BICD1: variants seen among roughly 807,000 people sequenced by gnomAD.
The protein encoded by BICD1 is protein bicaudal D homolog 1.
Under a neutral mutation model 92.5 loss-of-function variants are expected in BICD1, and 35 were observed. The observed-to-expected ratio is 0.38, with a 90% CI of 0.29 to 0.50. The LOEUF (loss-of-function observed/expected upper bound fraction) is 0.50, where lower values mean the gene tolerates loss of function less well. BICD1 is among the 20% of genes least tolerant of loss of function. BICD1 has a pLI of 0.93. For synonymous variants in BICD1, 429 were observed against 465.1 expected (o/e 0.92, Z 1.00); for missense variants, 950 against 1,189.8 (o/e 0.80, Z 2.97).
chr12:32,288,607 T>C (rs1947643892), intron 2 of BICD1, among the ~76,000 whole-genome samples: 2 of 152,110 alleles, frequency 1.3e-5, no homozygotes, highest in Non-Finnish European at 2.9e-5. Context: ...GACTCACACT[T>C]GTAATCCCAG....
intron 2 of BICD1, among the ~76,000 whole-genome samples, chr12:32,245,472 G>A (rs1946356056): frequency 1.3e-5 from 2 of 152,256 alleles, no homozygotes; most frequent in East Asian, 3.9e-4. Context: ...TTTTCCTAAA[G>A]CAAACAGTGT....
chr12:32,116,481 T>C (rs1941904672), intron 1 of BICD1, among the ~76,000 whole-genome samples: 2 of 113,202 alleles, frequency 1.8e-5, no homozygotes, highest in African/African-American at 7.1e-5. Flanking sequence ...TCTCTCTCTC[T>C]CTCTCTCTCT....
At chr12:32,335,209 G>GGTGC (rs1938052834) in intron 6 of BICD1, among the ~76,000 whole-genome samples, 2 of 151,768 alleles carry the variant, frequency 1.3e-5, no homozygotes, top group African/African-American at 2.4e-5. Context: ...AGAGGGCAGT[G>GGTGC]GTGCGATCTC....
chr12:32,331,382 G>C (rs1937862961), intron 5 of BICD1, among the ~76,000 whole-genome samples: 1 of 152,168 alleles, frequency 6.6e-6, no homozygotes, highest in Non-Finnish European at 1.5e-5. Context: ...AATCAGAACA[G>C]AACAAAGCAT....
intron 2 of BICD1, among the ~76,000 whole-genome samples, chr12:32,245,001 AC>A (rs879913617): frequency 6.6e-6 from 1 of 152,154 alleles, no homozygotes; most frequent in African/African-American, 2.4e-5. Flanking sequence ...GACTCTGAAG[AC>A]AAAGACCTGG....
intron 1 of BICD1, among the ~76,000 whole-genome samples, chr12:32,146,014 C>T (rs1363282215): frequency 6.6e-6 from 1 of 152,094 alleles, no homozygotes; most frequent in African/African-American, 2.4e-5. Flanking sequence ...TCTTATAGAA[C>T]TTAGAGTTGA....
At chr12:32,188,041 C>A (rs1488655767) in intron 1 of BICD1, among the ~76,000 whole-genome samples, 1 of 151,996 alleles carries the variant, frequency 6.6e-6, no homozygotes, top group Non-Finnish European at 1.5e-5. Context: ...CGGGTTCATG[C>A]AATTCTCCCA....
intron 8 of BICD1, among the ~76,000 whole-genome samples, chr12:32,360,256 T>C (rs993902614): frequency 1.3e-5 from 2 of 152,006 alleles, no homozygotes; most frequent in South Asian, 4.1e-4. Flanking sequence ...CCTTTTTTTC[T>C]CACTTGTTGA....
At chr12:32,194,761 T>C (rs1944678376) in intron 1 of BICD1, among the ~76,000 whole-genome samples, 1 of 152,080 alleles carries the variant, frequency 6.6e-6, no homozygotes, top group Admixed American at 6.5e-5. Context: ...CGCATGCCTG[T>C]AATCCCAGCT....
intron 1 of BICD1, among the ~76,000 whole-genome samples, chr12:32,186,217 T>C (rs999656696): frequency 6.6e-6 from 1 of 152,222 alleles, no homozygotes; most frequent in African/African-American, 2.4e-5. Context: ...TATTTAATGA[T>C]GCACATTTAC....
intron 6 of BICD1, among the ~76,000 whole-genome samples, chr12:32,335,375 T>G (rs891733431): frequency 6.6e-6 from 1 of 151,606 alleles, no homozygotes; most frequent in South Asian, 2.1e-4. Context: ...TGGTCTCGAT[T>G]TCCTGACCTC....
At chr12:32,322,641 G>A (rs981751401) in intron 4 of BICD1, among the ~76,000 whole-genome samples, 1 of 152,170 alleles carries the variant, frequency 6.6e-6, no homozygotes, top group Non-Finnish European at 1.5e-5. Flanking sequence ...TGTTGTGTAG[G>A]GAGGAAACAC....
chr12:32,175,293 T>C (rs1199178287), intron 1 of BICD1, among the ~76,000 whole-genome samples: 1 of 152,210 alleles, frequency 6.6e-6, no homozygotes, highest in Non-Finnish European at 1.5e-5. Context: ...TCTTTTTACC[T>C]TGTGTTTCTA....
At chr12:32,138,412 T>C (rs1663712400) in intron 1 of BICD1, among the ~76,000 whole-genome samples, 1 of 152,250 alleles carries the variant, frequency 6.6e-6, no homozygotes, top group African/African-American at 2.4e-5. Context: ...AGAGTTGATA[T>C]CAGTATTAAA....
chr12:32,369,498 A>T (rs1322190550), intron 9 of BICD1, among the ~76,000 whole-genome samples: 1 of 152,272 alleles, frequency 6.6e-6, no homozygotes, highest in African/African-American at 2.4e-5. Context: ...GGGGTGCCAC[A>T]AGTGTGGAAA....
Position 32,118,545 on chromosome 12 carries a change from C to A in BICD1, c.213+11001C>A, listed in dbSNP as rs560712086. On this transcript the variant is annotated intron_variant, in intron 1 of 9. Transcript: ENST00000652176. ...TTTGGTCATTGTTCCCTGAATAATT[C>A]AGCATAACAGCTATTTACATAGCAT... 3.9e-5 allele frequency among the ~76,000 whole-genome samples: 6 copies of A among 152,190 alleles called. No individual in the cohort carries two copies. In the South Asian group the frequency reaches 1.2e-3, roughly 32 times the overall value.
At chr12:32,108,752 T>G (rs1941586972) in intron 1 of BICD1, 1 of 637,484 alleles carries the variant, frequency 1.6e-6, no homozygotes, top group African/African-American at 1.8e-5. Flanking sequence ...TTTGGATGCC[T>G]GTCTACCAAA....
chr12:32,251,065 A>T (rs1455986261), intron 2 of BICD1, among the ~76,000 whole-genome samples: 2 of 151,816 alleles, frequency 1.3e-5, no homozygotes, highest in African/African-American at 4.8e-5. Context: ...CCTATATAAA[A>T]TTTTCTCCTT....
chr12:32,295,094 A>AAAG (rs1555164509), intron 3 of BICD1, among the ~76,000 whole-genome samples: 6 of 149,344 alleles, frequency 4.0e-5, no homozygotes, highest in South Asian at 2.1e-4. Context: ...AAAAAAAAAA[A>AAAG]AAAAAGAAAA....
Sources: gnomAD v4.1 joint callset for allele counts (sites outside exome capture counted in the v4.1 genomes callset) on GRCh38, gnomAD v4.1.1 for gene constraint, MANE v1.5 for transcripts, NCBI Gene and HGNC (gene_info 2026-07-23, HGNC 2026-07-21) for gene names.